The following KDM4C variants were observed in gnomAD, a reference collection of about 807,000 sequenced individuals.
KDM4C encodes lysine demethylase 4C, also known as lysine-specific demethylase 4C.
KDM4C carries 81 observed loss-of-function variants against 129.3 expected under a neutral mutation model. That is an observed-to-expected ratio of 0.63 (90% CI 0.52 to 0.75). KDM4C has a LOEUF of 0.75. Ranked by LOEUF, KDM4C falls within the 30% of genes least tolerant of loss-of-function variation. KDM4C has a pLI of 0.00. For missense variants in KDM4C, 1,457 were observed against 1,304.0 expected, an observed-to-expected ratio of 1.12 and a Z score of -1.81; for synonymous variants, 573 against 456.1, an observed-to-expected ratio of 1.26 and a Z score of -3.26.
chr9:6,861,944 G>C (rs1010506260), intron 5 of KDM4C, among the ~76,000 whole-genome samples: 2 of 151,714 alleles, frequency 1.3e-5, no homozygotes, highest in African/African-American at 4.8e-5. Context: ...GCTAATTTTT[G>C]TATTTTTAGT....
intron 5 of KDM4C, among the ~76,000 whole-genome samples, chr9:6,856,226 G>T (rs1357505398): frequency 1.3e-5 from 2 of 151,734 alleles, no homozygotes; most frequent in Non-Finnish European, 2.9e-5. Context: ...AGTATTTAGT[G>T]ATCCATTGAA....
In KDM4C at chr9:6,854,927, C is replaced by G. The variant is rs181605619; in HGVS notation, c.629+5227C>G. On this transcript the variant is annotated intron_variant, in intron 5 of 21. Coordinates refer to ENST00000381309, the MANE Select transcript of KDM4C (RefSeq NM_015061.6). The stretch of plus-strand genomic sequence containing the variant: ...ACCTTGGGCAATTATTAAATAACCT[C>G]CATGCCTCAATTTTCTCTCCTAAAA... Among the ~76,000 whole-genome samples, 111 of 152,268 alleles carry G rather than the reference C, an allele frequency of 7.3e-4. 1 individual carries two copies. The highest frequency in any genetic ancestry group is 1.4e-3 in the Non-Finnish European group (96 of 68,024).
intron 8 of KDM4C, among the ~76,000 whole-genome samples, chr9:6,956,507 C>T (rs963607685): frequency 1.3e-5 from 2 of 152,170 alleles, no homozygotes; most frequent in Non-Finnish European, 2.9e-5. Flanking sequence ...TTTTCTGAAA[C>T]TCCATTTCTA....
rs543241995 is a variant in KDM4C at position 6,782,709 on chromosome 9, C to A, written c.-17-10263C>A. ...GGAGGGGAAAGGCAGGAGCTAGATT[C>A]ATGGCTCCATACTGGAACGATATTG... On this transcript the variant is annotated intron_variant, in intron 1 of 21. Transcript: ENST00000381309. Among the ~76,000 whole-genome samples the A allele has an allele frequency of 3.3e-5, 5 of 152,214 alleles. No individual in the cohort carries two copies. In the East Asian group the frequency reaches 9.7e-4, roughly 29 times the overall value.
At chr9:6,853,072 A>G (rs1839149232) in intron 5 of KDM4C, among the ~76,000 whole-genome samples, 1 of 151,940 alleles carries the variant, frequency 6.6e-6, no homozygotes, top group African/African-American at 2.4e-5. Context: ...TCAGCACTTA[A>G]CACACAGGGC....
At chr9:6,851,859 A>T (rs1838903282) in intron 5 of KDM4C, among the ~76,000 whole-genome samples, 1 of 152,084 alleles carries the variant, frequency 6.6e-6, no homozygotes, top group Admixed American at 6.5e-5. Context: ...ATCATGAGTG[A>T]GAATAATTAT....
At chr9:6,960,282 A>ATT (rs34061929) in intron 8 of KDM4C, among the ~76,000 whole-genome samples, 13,492 of 143,204 alleles carry the variant, frequency 0.094, 1,652 homozygotes, top group African/African-American at 0.28. Flanking sequence ...AATGTTTTTA[A>ATT]TTTTTTTTTT....
chr9:6,928,930 C>A (rs1823140842), intron 8 of KDM4C, among the ~76,000 whole-genome samples: 1 of 152,176 alleles, frequency 6.6e-6, no homozygotes, highest in Admixed American at 6.5e-5. Context: ...AGCCTGTTTT[C>A]TTGTTTATGG....
intron 5 of KDM4C, among the ~76,000 whole-genome samples, chr9:6,873,689 A>G (rs561338969): frequency 7.9e-5 from 12 of 152,322 alleles, no homozygotes; most frequent in Admixed American, 2.0e-4. Flanking sequence ...AGACATGCCA[A>G]CATTCTCCAT....
Position 7,169,821 on chromosome 9 carries a change from G to A in KDM4C, c.2925G>A (p.Gln975=). Residue 975 remains glutamine (Q), a synonymous_variant, in exon 21 of 22, where the codon CAG becomes CAA. Coordinates refer to ENST00000381309, the MANE Select transcript of KDM4C (RefSeq NM_015061.6). ...MYQVEFEDGS[Q]IAMKREDIYT... Reference sequence around the variant, plus strand: ...AGGTTGAGTTTGAAGATGGATCCCAGATAGCAATGAAGAGAGAGGACATCT... The same window carrying A: ...AGGTTGAGTTTGAAGATGGATCCCAAATAGCAATGAAGAGAGAGGACATCT... 1.2e-6 allele frequency: 2 copies of A among 1,607,578 alleles called. No individual in the cohort carries two copies. Among genetic ancestry groups the A allele is most frequent in the South Asian group, 2.2e-5 (2 of 90,750 alleles).
At chr9:6,870,551 C>G (rs1287593525) in intron 5 of KDM4C, among the ~76,000 whole-genome samples, 1 of 151,872 alleles carries the variant, frequency 6.6e-6, no homozygotes, top group Non-Finnish European at 1.5e-5. Flanking sequence ...TATCAGTGCT[C>G]AATAAATGAT....
rs143010517 is a variant in KDM4C, at chr9:7,011,244, T to G, written c.1787-454T>G. ...AGAATTTAATTCAATGAAGTTCAGT[T>G]AAACTTTTATTGAGCCATGTACTAT... On this transcript the variant is annotated intron_variant, in intron 12 of 21. Coordinates refer to ENST00000381309, the MANE Select transcript of KDM4C (RefSeq NM_015061.6). Among the ~76,000 whole-genome samples the G allele has an allele frequency of 1.9e-3, 285 of 152,320 alleles. 1 individual carries two copies. Among genetic ancestry groups the G allele is most frequent in the African/African-American group, 6.6e-3 (273 of 41,572 alleles).
At chr9:6,822,544 A>G (rs1000552979) in intron 4 of KDM4C, among the ~76,000 whole-genome samples, 4 of 152,220 alleles carry the variant, frequency 2.6e-5, no homozygotes, top group Admixed American at 6.5e-5. Flanking sequence ...TAAGTCCTAG[A>G]TGATTCTTTG....
At chr9:7,015,731 C>T in intron 14 of KDM4C, 122 bp from the exon 15 acceptor site, 2 of 609,694 alleles carry the variant, frequency 3.3e-6, no homozygotes, top group South Asian at 2.0e-5. Flanking sequence ...TTGTTCTATA[C>T]AGTGAGAATC....
At chr9:6,976,625 G>C (rs923254477) in intron 8 of KDM4C, among the ~76,000 whole-genome samples, 8 of 152,152 alleles carry the variant, frequency 5.3e-5, no homozygotes, top group Non-Finnish European at 1.0e-4. Flanking sequence ...CCTTTTTCAT[G>C]CTGTAGTTCT....
intron 15 of KDM4C, among the ~76,000 whole-genome samples, chr9:7,036,980 G>A (rs1019250454): frequency 2.6e-5 from 4 of 152,166 alleles, no homozygotes; most frequent in Non-Finnish European, 5.9e-5. Context: ...GGTACTGCAG[G>A]ACACTTGTCA....
chr9:7,049,550 C>T (rs549614062), intron 17 of KDM4C, among the ~76,000 whole-genome samples: 96 of 152,194 alleles, frequency 6.3e-4, no homozygotes, highest in African/African-American at 2.1e-3. Context: ...TCTCTCTTGA[C>T]TCTCTTTGGT....
upstream of KDM4C, among the ~76,000 whole-genome samples, chr9:6,756,288 TA>T (rs1321477506): frequency 2.6e-5 from 4 of 152,278 alleles, no homozygotes; most frequent in African/African-American, 9.6e-5. Context: ...TAGCTCACAT[TA>T]CTGTTCTAAG....
intron 12 of KDM4C, among the ~76,000 whole-genome samples, chr9:6,998,948 A>G (rs11790877): frequency 0.36 from 55,438 of 151,936 alleles, 11,287 homozygotes; most frequent in Non-Finnish European, 0.46. Flanking sequence ...TTTTTCTGGC[A>G]TCGCCTGGGA....
Sources: gnomAD v4.1 joint callset for allele counts (sites outside exome capture counted in the v4.1 genomes callset) on GRCh38, gnomAD v4.1.1 for gene constraint, MANE v1.5 for transcripts, NCBI Gene and HGNC (gene_info 2026-07-23, HGNC 2026-07-21) for gene names.